The following KIAA0825 variants were observed in gnomAD, a reference collection of about 807,000 sequenced individuals.
KIAA0825 encodes KIAA0825.
KIAA0825 carries 119 observed loss-of-function variants against 147.6 expected under a neutral mutation model. The ratio of observed to expected loss-of-function variants is 0.81; its 90% CI spans 0.69 to 0.94. KIAA0825 has a LOEUF of 0.94. Ranked by LOEUF, KIAA0825 falls within the 40% of genes least tolerant of loss-of-function variation. The pLI is 0.00. For synonymous variants in KIAA0825, 470 were observed against 518.1 expected (o/e 0.91, Z 1.26); for missense variants, 1,381 against 1,472.7 (o/e 0.94, Z 1.02).
chr5:94,582,995 C>T (rs796465173), intron 1 of KIAA0825, among the ~76,000 whole-genome samples: 3 of 151,988 alleles, frequency 2.0e-5, no homozygotes, highest in African/African-American at 4.8e-5. Context: ...TTATTAAAAC[C>T]GTCTTTTCCC....
At chr5:94,453,472 C>T (rs566749593) in intron 12 of KIAA0825, among the ~76,000 whole-genome samples, 26 of 152,024 alleles carry the variant, frequency 1.7e-4, no homozygotes, top group Middle Eastern at 3.4e-3. Context: ...CAGGCGTGAG[C>T]CACTGTGCCC....
intron 5 of KIAA0825, among the ~76,000 whole-genome samples, chr5:94,518,121 G>A (rs768829311): frequency 6.6e-6 from 1 of 152,118 alleles, no homozygotes; most frequent in Non-Finnish European, 1.5e-5. Context: ...AAGATTTCGT[G>A]AGCATAAAGA....
At chr5:94,598,614 T>C (rs1785736246) in intron 1 of KIAA0825, among the ~76,000 whole-genome samples, 1 of 152,128 alleles carries the variant, frequency 6.6e-6, no homozygotes, top group Admixed American at 6.5e-5. Flanking sequence ...TTTATTATCA[T>C]TATCAACTAT....
chr5:94,202,454 G>A (rs933046015), intron 20 of KIAA0825, among the ~76,000 whole-genome samples: 2 of 152,188 alleles, frequency 1.3e-5, no homozygotes, highest in African/African-American at 2.4e-5. Flanking sequence ...TTATACCAGC[G>A]GTGTGGCTAG....
At chr5:94,320,274 C>T (rs957982651) in intron 20 of KIAA0825, among the ~76,000 whole-genome samples, 1 of 151,918 alleles carries the variant, frequency 6.6e-6, no homozygotes, top group Non-Finnish European at 1.5e-5. Context: ...ATGTAATGAT[C>T]AAGTTAGGAT....
At chr5:94,394,680 A>G (rs1750391337) in intron 17 of KIAA0825, among the ~76,000 whole-genome samples, 2 of 152,178 alleles carry the variant, frequency 1.3e-5, no homozygotes, top group South Asian at 2.1e-4. Flanking sequence ...AATCAGATAT[A>G]CTATTTTTAC....
intron 20 of KIAA0825, among the ~76,000 whole-genome samples, chr5:94,240,185 C>G (rs183181049): frequency 3.3e-5 from 5 of 152,314 alleles, no homozygotes; most frequent in Admixed American, 2.0e-4. Context: ...GTTTAACTTT[C>G]AAAACTCGGC....
chr5:94,605,002 C>T (rs898250337), intron 1 of KIAA0825, among the ~76,000 whole-genome samples: 7 of 151,524 alleles, frequency 4.6e-5, no homozygotes, highest in African/African-American at 1.5e-4. Context: ...AGACGGCTAG[C>T]TGGATTAATG....
intron 20 of KIAA0825, among the ~76,000 whole-genome samples, chr5:94,248,789 T>C (rs1775776017): frequency 6.6e-6 from 1 of 152,086 alleles, no homozygotes; most frequent in South Asian, 2.1e-4. Flanking sequence ...CTACGTTTTT[T>C]CCCCTCTCTG....
chr5:94,347,041 C>A (rs767720533), intron 20 of KIAA0825, among the ~76,000 whole-genome samples: 2 of 152,098 alleles, frequency 1.3e-5, no homozygotes, highest in Admixed American at 6.5e-5. Context: ...GCCAGCTTTT[C>A]CCCACTTCCC....
At chr5:94,170,651 G>T (rs1400688266) in intron 20 of KIAA0825, among the ~76,000 whole-genome samples, 1 of 152,118 alleles carries the variant, frequency 6.6e-6, no homozygotes, top group Non-Finnish European at 1.5e-5. Flanking sequence ...CCCAAGATAG[G>T]CCAAAAGGAA....
At chr5:94,182,590 A>G (rs1769762787) in intron 20 of KIAA0825, among the ~76,000 whole-genome samples, 2 of 151,926 alleles carry the variant, frequency 1.3e-5, no homozygotes. Context: ...CAAGTTTTCT[A>G]TCCACTCTCC....
chr5:94,529,312 TC>T (rs1252801199), intron 3 of KIAA0825, among the ~76,000 whole-genome samples: 1 of 145,352 alleles, frequency 6.9e-6, no homozygotes, highest in Non-Finnish European at 1.5e-5. Flanking sequence ...TATGTATATA[TC>T]ATATATATGT....
intron 5 of KIAA0825, among the ~76,000 whole-genome samples, chr5:94,512,620 G>T (rs114704799): frequency 0.013 from 1,902 of 149,468 alleles, 41 homozygotes; most frequent in African/African-American, 0.044. Context: ...AAAAGGCAGA[G>T]TGTGGTGGCT....
chr5:94,558,217 T>C (rs1776922266), intron 2 of KIAA0825, among the ~76,000 whole-genome samples: 1 of 152,152 alleles, frequency 6.6e-6, no homozygotes, highest in Admixed American at 6.5e-5. Flanking sequence ...TGCCACCATC[T>C]TGGAAGCAGC....
chr5:94,344,607 G>A (rs767052089), intron 20 of KIAA0825, among the ~76,000 whole-genome samples: 3 of 152,178 alleles, frequency 2.0e-5, no homozygotes, highest in Non-Finnish European at 4.4e-5. Context: ...GTTCATCCAT[G>A]TTCATGGCAA....
At chr5:94,422,532 A>T (rs973140395) in intron 14 of KIAA0825, among the ~76,000 whole-genome samples, 63 of 152,100 alleles carry the variant, frequency 4.1e-4, no homozygotes, top group African/African-American at 1.5e-3. Context: ...TTTCTAGTTA[A>T]TGTCTTTTAT....
At chr5:94,272,994 T>C (rs1777060413) in intron 20 of KIAA0825, among the ~76,000 whole-genome samples, 3 of 152,336 alleles carry the variant, frequency 2.0e-5, no homozygotes, top group South Asian at 4.1e-4. Context: ...AAATTTAGGA[T>C]GCAAATTAAT....
intron 15 of KIAA0825, among the ~76,000 whole-genome samples, chr5:94,410,838 G>C (rs962231852): frequency 6.6e-6 from 1 of 151,914 alleles, no homozygotes; most frequent in African/African-American, 2.4e-5. Context: ...CCAGAGATTT[G>C]TAATACAAGA....
Sources: gnomAD v4.1 joint callset for allele counts (sites outside exome capture counted in the v4.1 genomes callset) on GRCh38, gnomAD v4.1.1 for gene constraint, MANE v1.5 for transcripts, NCBI Gene and HGNC (gene_info 2026-07-23, HGNC 2026-07-21) for gene names.